HAPLN1: variants seen among roughly 807,000 people sequenced by gnomAD.
The protein encoded by HAPLN1 is Cartilage link protein.
A neutral mutation model predicts 36.5 loss-of-function variants in HAPLN1; 13 were observed. That is an observed-to-expected ratio of 0.36 (90% CI 0.23 to 0.57). HAPLN1 has a LOEUF of 0.57. HAPLN1 is among the 20% of genes least tolerant of loss of function. HAPLN1 has a pLI of 0.83. For synonymous variants in HAPLN1, 202 were observed against 169.8 expected (o/e 1.19, Z -1.48); for missense variants, 407 against 439.7 (o/e 0.93, Z 0.66).
intron 1 of HAPLN1, among the ~76,000 whole-genome samples, chr5:83,719,856 G>C (rs972703933): frequency 3.3e-5 from 5 of 152,106 alleles, no homozygotes; most frequent in African/African-American, 9.7e-5. Flanking sequence ...AGAACTATTA[G>C]CTTCCAAGAA....
chr5:83,687,641 A>C (rs1031966084), intron 1 of HAPLN1, among the ~76,000 whole-genome samples: 2 of 152,248 alleles, frequency 1.3e-5, no homozygotes, highest in African/African-American at 4.8e-5. Context: ...AGTAATGTCC[A>C]CATTGTATTA....
chr5:83,653,508 C>T (rs1750133320), intron 2 of HAPLN1, among the ~76,000 whole-genome samples: 1 of 152,150 alleles, frequency 6.6e-6, no homozygotes, highest in South Asian at 2.1e-4. Context: ...AAATGTATTC[C>T]TCAAAATTTG....
At chr5:83,706,158 C>T (rs1281246549) in intron 1 of HAPLN1, among the ~76,000 whole-genome samples, 2 of 149,812 alleles carry the variant, frequency 1.3e-5, no homozygotes, top group East Asian at 3.9e-4. Flanking sequence ...TGAAATTCCA[C>T]CAGTTGTACA....
At chr5:83,667,461 A>T (rs1360986684) in intron 2 of HAPLN1, among the ~76,000 whole-genome samples, 1 of 152,012 alleles carries the variant, frequency 6.6e-6, no homozygotes, top group African/African-American at 2.4e-5. Context: ...AGAATTATTA[A>T]CTATATATAT....
intron 2 of HAPLN1, among the ~76,000 whole-genome samples, chr5:83,653,930 G>A (rs537263700): frequency 2.0e-5 from 3 of 152,232 alleles, no homozygotes; most frequent in Non-Finnish European, 4.4e-5. Flanking sequence ...ATATCTTTGT[G>A]TCTATACACA....
At chr5:83,685,231 C>G (rs1286596698) in intron 1 of HAPLN1, among the ~76,000 whole-genome samples, 1 of 152,172 alleles carries the variant, frequency 6.6e-6, no homozygotes, top group Non-Finnish European at 1.5e-5. Context: ...TACTAGAATG[C>G]AAGCTCCAGG....
At chr5:83,681,407 C>T (rs985689505) in intron 1 of HAPLN1, among the ~76,000 whole-genome samples, 1 of 152,094 alleles carries the variant, frequency 6.6e-6, no homozygotes, top group Non-Finnish European at 1.5e-5. Flanking sequence ...GCTTAGATTG[C>T]TATCTCATTG....
chr5:83,702,315 T>A (rs1751526394), intron 1 of HAPLN1, among the ~76,000 whole-genome samples: 1 of 152,212 alleles, frequency 6.6e-6, no homozygotes, highest in South Asian at 2.1e-4. Context: ...CCGGTATAAA[T>A]TATAAACTTT....
Position 83,652,586 on chromosome 5 carries a change from A to T in HAPLN1, c.339T>A (p.Phe113Leu), listed in dbSNP as rs374494394. Residue 113 changes from phenylalanine to leucine, a missense_variant, in exon 3 of 5, where the codon TTT (phenylalanine) becomes TTA (leucine). Physicochemically the swap from Phe to Leu is conservative, Grantham distance 22. Transcript: ENST00000274341. ...KTYGGYQGRV[F>L]LKGGSDSDAS... ...CATCACTATCACTGCCTCCCTTCAG[A>T]AACACTCTACCCTGGTAGCCTCCAT... 3.3e-5 allele frequency: 53 copies of T among 1,614,190 alleles called. No homozygotes were observed. Among genetic ancestry groups the T allele is most frequent in the Non-Finnish European group, 4.4e-5 (52 of 1,180,004 alleles).
At chr5:83,654,039 GA>G (rs747176846) in intron 2 of HAPLN1, among the ~76,000 whole-genome samples, 5 of 152,224 alleles carry the variant, frequency 3.3e-5, no homozygotes, top group African/African-American at 4.8e-5. Flanking sequence ...AATCATTTAA[GA>G]TGTCCAAATC....
intron 1 of HAPLN1, among the ~76,000 whole-genome samples, chr5:83,686,972 A>C (rs1441578004): frequency 6.6e-6 from 1 of 152,208 alleles, no homozygotes; most frequent in East Asian, 1.9e-4. Flanking sequence ...AACAACAATA[A>C]CAGAAGTTAA....
Position 83,641,642 on chromosome 5 carries a change from C to A in HAPLN1, c.919G>T (p.Gly307Cys). 6.2e-7 allele frequency: 1 copy of A among 1,614,200 alleles called. No homozygotes were observed. The highest frequency in any genetic ancestry group is 8.5e-7 in the Non-Finnish European group (1 of 1,180,038). Residue 307 changes from glycine (G) to cysteine (C), a missense_variant, in exon 5 of 5, where the codon GGC becomes TGC. Gly to Cys is a radical substitution (Grantham distance 159). Coordinates refer to ENST00000274341, the MANE Select transcript of HAPLN1 (RefSeq NM_001884.4). ...KILGYDRCDAGWLADGSVRYP... is the reference protein window; with the variant it reads ...KILGYDRCDACWLADGSVRYP... ...CGGACGCTGCCATCCGCCAACCAGC[C>A]CGCATCACAGCGGTCATATCCGAGA...
At chr5:83,703,166 C>T (rs181403718) in intron 1 of HAPLN1, among the ~76,000 whole-genome samples, 1 of 152,264 alleles carries the variant, frequency 6.6e-6, no homozygotes, top group Admixed American at 6.5e-5. Flanking sequence ...TGCGTTAACT[C>T]CATCTGAGAT....
In HAPLN1 at chr5:83,690,686, G is replaced by A. The variant is rs11959613; in HGVS notation, c.-26-17137C>T. ...TTTATCTGCTAATTTATGAATTTGC[G>A]CACCCCTGATTTTCTCTTCCTTAGG... On this transcript the variant is annotated intron_variant, in intron 1 of 4. Transcript: ENST00000274341. Among the ~76,000 whole-genome samples, 849 of 151,632 alleles carry A rather than the reference G, an allele frequency of 5.6e-3. 15 individuals carry two copies. Among genetic ancestry groups the A allele is most frequent in the South Asian group, 0.047 (224 of 4,810 alleles).
intron 2 of HAPLN1, among the ~76,000 whole-genome samples, chr5:83,655,048 G>A (rs573379969): frequency 1.3e-5 from 2 of 152,242 alleles, no homozygotes; most frequent in Admixed American, 6.5e-5. Flanking sequence ...CCAATATAGA[G>A]CATAATTTTG....
intron 1 of HAPLN1, among the ~76,000 whole-genome samples, chr5:83,712,584 G>A (rs1030824899): frequency 3.3e-5 from 5 of 151,764 alleles, no homozygotes; most frequent in African/African-American, 7.2e-5. Context: ...TATTTATCTC[G>A]CTAGTAAAAT....
intron 1 of HAPLN1, among the ~76,000 whole-genome samples, chr5:83,709,062 A>G (rs1751717155): frequency 6.6e-6 from 1 of 152,042 alleles, no homozygotes; most frequent in Non-Finnish European, 1.5e-5. Context: ...TATTTTTAGC[A>G]AAGACGGGTT....
chr5:83,674,834 C>T (rs557238220), intron 1 of HAPLN1: 7 of 152,340 alleles, frequency 4.6e-5, no homozygotes, highest in Admixed American at 3.3e-4. Flanking sequence ...CCCCAAGTCT[C>T]TTCTGAGACT....
chr5:83,701,983 A>T (rs2112630137), intron 1 of HAPLN1, among the ~76,000 whole-genome samples: 1 of 152,128 alleles, frequency 6.6e-6, no homozygotes, highest in East Asian at 1.9e-4. Flanking sequence ...TAATCGAGGT[A>T]CGAATAAAAT....
Sources: allele counts gnomAD v4.1 joint callset (sites outside exome capture counted in the v4.1 genomes callset), GRCh38; gene constraint gnomAD v4.1.1; transcripts MANE v1.5; gene names NCBI Gene and HGNC (gene_info 2026-07-23, HGNC 2026-07-21).